The following BCAS3 variants were observed in gnomAD, a reference collection of about 807,000 sequenced individuals.
BCAS3 encodes BCAS3 microtubule associated cell migration factor.
A neutral mutation model predicts 116.1 loss-of-function variants in BCAS3; 53 were observed. That is an observed-to-expected ratio of 0.46 (90% confidence interval 0.37 to 0.57). The LOEUF is 0.57. Ranked by LOEUF, BCAS3 falls within the 20% of genes least tolerant of loss-of-function variation. The pLI, the probability that BCAS3 is intolerant of heterozygous loss-of-function variation, is 0.00. For missense variants in BCAS3, 917 were observed against 1,165.4 expected, an observed-to-expected ratio of 0.79 and a Z score of 3.10; for synonymous variants, 391 against 408.2, an observed-to-expected ratio of 0.96 and a Z score of 0.51.
At chr17:61,172,014 G>C (rs2078866558) in intron 22 of BCAS3, among the ~76,000 whole-genome samples, 1 of 152,078 alleles carries the variant, frequency 6.6e-6, no homozygotes, top group African/African-American at 2.4e-5. Flanking sequence ...CACAGAATAA[G>C]GAAACATTTC....
At chr17:60,776,034 A>C (rs2045251311) in intron 6 of BCAS3, among the ~76,000 whole-genome samples, 1 of 152,214 alleles carries the variant, frequency 6.6e-6, no homozygotes, top group African/African-American at 2.4e-5. Context: ...AAAAATTAGA[A>C]TTGTGAATTA....
chr17:61,246,471 GAAAAAAAAAAA>G (rs1007852809), intron 22 of BCAS3, among the ~76,000 whole-genome samples: 9 of 33,476 alleles, frequency 2.7e-4, no homozygotes, highest in African/African-American at 5.9e-4. Flanking sequence ...GACTGTCTCA[GAAAAAAAAAAA>G]AAAAAAAAAA....
At chr17:60,842,114 A>C (rs1413993666) in intron 7 of BCAS3, among the ~76,000 whole-genome samples, 4 of 152,180 alleles carry the variant, frequency 2.6e-5, no homozygotes, top group Admixed American at 2.6e-4. Flanking sequence ...GTAATTGTAA[A>C]ACATACTTTA....
chr17:60,790,972 C>T (rs1157475689), intron 6 of BCAS3, among the ~76,000 whole-genome samples: 2 of 152,048 alleles, frequency 1.3e-5, no homozygotes, highest in African/African-American at 4.8e-5. Flanking sequence ...GAACTCCTGA[C>T]CTCAGGTGAT....
chr17:61,074,113 G>GAAA (rs917229045), intron 19 of BCAS3, among the ~76,000 whole-genome samples: 1 of 61,220 alleles, frequency 1.6e-5, no homozygotes. Flanking sequence ...TATCTCTTAA[G>GAAA]AAAAAAAAAA....
intron 22 of BCAS3, among the ~76,000 whole-genome samples, chr17:61,308,799 A>G (rs1452538639): frequency 6.6e-6 from 1 of 152,222 alleles, no homozygotes; most frequent in Non-Finnish European, 1.5e-5. Context: ...TAGCCAGCTT[A>G]TTAAACAGAT....
rs1188337821 is a variant in BCAS3 at position 61,332,058 on chromosome 17, G to GTC, written c.2426-36266_2426-36265dup. On this transcript the variant is annotated intron_variant, in intron 22 of 23. Transcript: ENST00000407086. This position sits in a 1 kb window ranked among gnomAD's most constrained non-coding sequence, Gnocchi z 5.4. The stretch of plus-strand genomic sequence containing the variant: ...TATGCGTGTCTGGTTTGGCATGTGG[G>GTC]TCTCGACCTCCCATGAGCAGGGCGA... 2.0e-5 allele frequency among the ~76,000 whole-genome samples: 3 copies of GTC among 152,146 alleles called. No individual in the cohort carries two copies. Among genetic ancestry groups the GTC allele is most frequent in the Non-Finnish European group, 4.4e-5 (3 of 68,028 alleles).
Position 61,156,392 on chromosome 17 carries a change from T to TG in BCAS3, c.2425+71833dup, listed in dbSNP as rs953803250. ...GACTTTTGTTTTATCTTGTTTCTTT[T>TG]GGGGGAAACTTAGAGTAATATTTGG... On this transcript the variant is annotated intron_variant, in intron 22 of 23. Transcript: ENST00000407086. The surrounding 1 kb of genome is among the most constrained non-coding windows in gnomAD (Gnocchi z 4.7). Among the ~76,000 whole-genome samples, 2 of 152,126 alleles carry TG rather than the reference T, an allele frequency of 1.3e-5. No homozygotes were observed. Among genetic ancestry groups the TG allele is most frequent in the Non-Finnish European group, 2.9e-5 (2 of 68,018 alleles).
intron 22 of BCAS3, among the ~76,000 whole-genome samples, chr17:61,223,389 C>T (rs1279565271): frequency 1.3e-5 from 2 of 152,120 alleles, no homozygotes; most frequent in East Asian, 3.9e-4. Flanking sequence ...AAACTCCTGA[C>T]CTCAGGTGAT....
chr17:61,295,242 T>C (rs2052778251), intron 22 of BCAS3, among the ~76,000 whole-genome samples: 1 of 152,200 alleles, frequency 6.6e-6, no homozygotes, highest in Non-Finnish European at 1.5e-5. Context: ...TGTGCTGGAT[T>C]ACTAGGGAGC....
intron 7 of BCAS3, among the ~76,000 whole-genome samples, chr17:60,822,194 C>G (rs1296786140): frequency 6.6e-6 from 1 of 152,184 alleles, no homozygotes; most frequent in African/African-American, 2.4e-5. Context: ...AATTTTACAT[C>G]TACAAGTGGT....
At chr17:60,823,544 A>C (rs1357699194) in intron 7 of BCAS3, among the ~76,000 whole-genome samples, 3 of 152,168 alleles carry the variant, frequency 2.0e-5, no homozygotes, top group Non-Finnish European at 4.4e-5. Context: ...AGCCTGGGTA[A>C]CAGAGTGAGA....
intron 4 of BCAS3, among the ~76,000 whole-genome samples, chr17:60,705,512 CAA>C (rs1033436210): frequency 2.7e-4 from 17 of 61,830 alleles, no homozygotes; most frequent in Non-Finnish European, 4.6e-4. Flanking sequence ...AGACTTGTCT[CAA>C]AAAAAAAAAA....
chr17:60,977,730 C>A (rs2062509670), intron 14 of BCAS3, among the ~76,000 whole-genome samples: 1 of 150,570 alleles, frequency 6.6e-6, no homozygotes, highest in South Asian at 2.1e-4. Context: ...TCAATTCCCA[C>A]CTATGATTGA....
chr17:60,805,857 GTTT>G (rs558273934), intron 6 of BCAS3, among the ~76,000 whole-genome samples: 2 of 122,140 alleles, frequency 1.6e-5, no homozygotes. Flanking sequence ...CTCAGCCTAA[GTTT>G]TTTTTTTTTT....
chr17:61,052,082 T>C lies in BCAS3; in HGVS notation c.2029+11190T>C, dbSNP rs756152430. ...TGGGATTCTTGGATCTGTAGGTTTG[T>C]AGTTTTCATCAAATTTGGAAATTTT... On this transcript the variant is annotated intron_variant, in intron 19 of 23. Coordinates refer to ENST00000407086, the MANE Select transcript of BCAS3 (RefSeq NM_017679.5). Among the ~76,000 whole-genome samples the C allele has an allele frequency of 3.3e-5, 5 of 152,184 alleles. No homozygotes were observed. The South Asian group carries it at 1.0e-3, about 32-fold the overall frequency.
chr17:61,291,420 T>A (rs1250764904), intron 22 of BCAS3, among the ~76,000 whole-genome samples: 1 of 152,110 alleles, frequency 6.6e-6, no homozygotes, highest in Non-Finnish European at 1.5e-5. Context: ...TAGAGAAGGA[T>A]TGTGAGATTT....
At chr17:61,000,024 A>G (rs1443129568) in intron 15 of BCAS3, among the ~76,000 whole-genome samples, 1 of 152,178 alleles carries the variant, frequency 6.6e-6, no homozygotes, top group East Asian at 1.9e-4. Flanking sequence ...GTAATTTATC[A>G]GGTTAAGGAG....
At position 61,141,385 on chromosome 17, in the gene BCAS3, CTG is replaced by C. The variant is rs374988710; in HGVS notation, c.2425+56823_2425+56824del. 5.6e-4 allele frequency among the ~76,000 whole-genome samples: 85 copies of C among 152,104 alleles called. No homozygotes were observed. The East Asian group carries it at 0.014, about 25-fold the overall frequency. On this transcript the variant is annotated intron_variant, in intron 22 of 23. Transcript: ENST00000407086. This position sits in a 1 kb window ranked among gnomAD's most constrained non-coding sequence, Gnocchi z 4.3. ...CCAGTCTGGGCAACATACCAAGACT[CTG>C]TCTACAAAAAAAGTGTTAAAAGTAA...
Sources: gnomAD v4.1 joint callset for allele counts (sites outside exome capture counted in the v4.1 genomes callset) on GRCh38, gnomAD v4.1.1 for gene constraint, Gnocchi (gnomAD v3.1) non-coding constraint, MANE v1.5 for transcripts, NCBI Gene and HGNC (gene_info 2026-07-23, HGNC 2026-07-21) for gene names.